Variants in TRPS1 observed in about 807,000 individuals in gnomAD.
TRPS1 encodes transcriptional repressor GATA binding 1.
In TRPS1, 6 loss-of-function variants were observed where a neutral mutation model predicts 101.2. That is an observed-to-expected ratio of 0.06 (90% CI 0.03 to 0.12). TRPS1 has a LOEUF of 0.12. Among genes scored for constraint, TRPS1 ranks in the 10% least tolerant of loss-of-function variants. The probability of loss-of-function intolerance (pLI) is 1.00; values close to 1 mark genes in which losing one functional copy is unlikely to be tolerated. For missense variants in TRPS1, 1,363 were observed against 1,567.0 expected, an observed-to-expected ratio of 0.87 and a Z score of 2.20; for synonymous variants, 578 against 589.8, an observed-to-expected ratio of 0.98 and a Z score of 0.29.
At chr8:115,447,892 T>G (rs1313212605) in intron 5 of TRPS1, among the ~76,000 whole-genome samples, 3 of 152,120 alleles carry the variant, frequency 2.0e-5, no homozygotes, top group Non-Finnish European at 4.4e-5. Context: ...ATTAAACCTT[T>G]GAAAATAGAA....
At chr8:115,468,802 G>A (rs1317008464) in intron 5 of TRPS1, among the ~76,000 whole-genome samples, 1 of 151,950 alleles carries the variant, frequency 6.6e-6, no homozygotes, top group African/African-American at 2.4e-5. Context: ...AATACATTTT[G>A]AAAAAGGGAT....
chr8:115,415,502 T>C (rs1454073719), intron 6 of TRPS1, among the ~76,000 whole-genome samples: 3 of 152,050 alleles, frequency 2.0e-5, no homozygotes, highest in Non-Finnish European at 4.4e-5. Flanking sequence ...TTGTTAACAG[T>C]GGAAAAATTA....
chr8:115,499,951 CTTTCTTTCTTTCTTTTCT>C (rs760080087), intron 5 of TRPS1, among the ~76,000 whole-genome samples: 1,566 of 57,580 alleles, frequency 0.027, 10 homozygotes, highest in East Asian at 0.12. Flanking sequence ...TTCTTTCTTT[CTTTCTTTCTTTCTTTTCT>C]TTTCTTTTCT....
chr8:115,535,275 GCATATATAGCATATATATAGCATATATAT>G (rs1816272150), intron 5 of TRPS1, among the ~76,000 whole-genome samples: 4 of 128,142 alleles, frequency 3.1e-5, no homozygotes, highest in South Asian at 2.4e-4. Flanking sequence ...CATATATATA[GCATATATAGCATATATATAGCATATATAT>G]AGCATATATA....
rs368980249 is a variant in TRPS1 at position 115,414,571 on chromosome 8, C to T, written c.3337G>A (p.Val1113Ile). ...YQYPLFGLPF[V>I]HNDFQSEADW... is the part of the protein sequence containing the mutation. ...GCTTCACTCTGGAAGTCATTATGTA[C>T]AAAGGGAAGTCCAAAAAGTGGGTAC... The change falls in exon 7 of 7, where the codon GTA (valine) becomes ATA (isoleucine). Residue 1113 changes from valine to isoleucine, a missense_variant. Around this residue, in one of 5 missense-constraint regions of TRPS1, gnomAD observed 307 missense variants for 392.4 expected, o/e 0.78. Coordinates refer to ENST00000395715, the MANE Select transcript of TRPS1 (RefSeq NM_014112.5). This position sits in a 1 kb window ranked among gnomAD's most constrained non-coding sequence, Gnocchi z 4.8. 6.2e-6 allele frequency: 10 copies of T among 1,613,796 alleles called. No homozygotes were observed. Among genetic ancestry groups the T allele is most frequent in the African/African-American group, 4.0e-5 (3 of 74,898 alleles).
intron 5 of TRPS1, among the ~76,000 whole-genome samples, chr8:115,578,718 C>T (rs541067795): frequency 3.9e-5 from 6 of 151,982 alleles, no homozygotes; most frequent in Admixed American, 3.9e-4. Context: ...CATTAGATGC[C>T]AAAATATGAA....
At chr8:115,436,103 C>T (rs1042568039) in intron 5 of TRPS1, among the ~76,000 whole-genome samples, 16 of 151,496 alleles carry the variant, frequency 1.1e-4, no homozygotes, top group Admixed American at 6.6e-5. Context: ...TTAATCATTA[C>T]TCATAACTCT....
intron 1 of TRPS1, among the ~76,000 whole-genome samples, chr8:115,660,587 G>A (rs896769697): frequency 1.3e-4 from 19 of 150,748 alleles, no homozygotes; most frequent in Non-Finnish European, 2.1e-4. Context: ...TATTATGAAC[G>A]CAAACAAGAG....
At chr8:115,485,539 A>G (rs936123615) in intron 5 of TRPS1, among the ~76,000 whole-genome samples, 1 of 152,198 alleles carries the variant, frequency 6.6e-6, no homozygotes, top group Non-Finnish European at 1.5e-5. Flanking sequence ...TTAGTTTTAC[A>G]GTGTACCCCA....
intron 5 of TRPS1, among the ~76,000 whole-genome samples, chr8:115,439,535 A>G (rs1279778014): frequency 1.3e-5 from 2 of 152,214 alleles, no homozygotes; most frequent in Non-Finnish European, 2.9e-5. Context: ...TAAAACTAAA[A>G]TTTATTTTAA....
intron 5 of TRPS1, among the ~76,000 whole-genome samples, chr8:115,568,378 T>C (rs1420123320): frequency 1.3e-5 from 2 of 152,148 alleles, no homozygotes; most frequent in Non-Finnish European, 2.9e-5. Context: ...AAATATGACA[T>C]AATTGTAAAT....
chr8:115,524,319 C>CTTTTTTTTTTTTTTTTTTTTTTTTTTTT (rs139406462), intron 5 of TRPS1, among the ~76,000 whole-genome samples: 1 of 70,724 alleles, frequency 1.4e-5, no homozygotes, highest in Non-Finnish European at 2.4e-5. Flanking sequence ...CTTCTTCTTC[C>CTTTTTTTTTTTTTTTTTTTTTTTTTTTT]TTTTTTTTTT....
chr8:115,663,932 C>T (rs1263798107), intron 1 of TRPS1, among the ~76,000 whole-genome samples: 1 of 151,762 alleles, frequency 6.6e-6, no homozygotes, highest in Non-Finnish European at 1.5e-5. Flanking sequence ...ATTATTGTGT[C>T]CATCAGAAAA....
intron 5 of TRPS1, among the ~76,000 whole-genome samples, chr8:115,484,158 T>C (rs1156377376): frequency 6.6e-6 from 1 of 152,054 alleles, no homozygotes. Context: ...AACATCAATG[T>C]ATCTCAAAAC....
At chr8:115,609,593 G>T (rs1435998384) in intron 3 of TRPS1, among the ~76,000 whole-genome samples, 1 of 152,120 alleles carries the variant, frequency 6.6e-6, no homozygotes, top group Non-Finnish European at 1.5e-5. Context: ...ACTTGACCTG[G>T]CATACATGGC....
chr8:115,651,783 A>C (rs769504004), intron 1 of TRPS1, among the ~76,000 whole-genome samples: 1 of 152,182 alleles, frequency 6.6e-6, no homozygotes, highest in Admixed American at 6.5e-5. Flanking sequence ...CGTAGAAGGC[A>C]TTTCATAAGG....
intron 3 of TRPS1, among the ~76,000 whole-genome samples, chr8:115,616,438 T>G (rs903491087): frequency 1.3e-5 from 2 of 152,126 alleles, no homozygotes; most frequent in Non-Finnish European, 2.9e-5. Context: ...TCAAGTCCAT[T>G]CAAATTATTT....
chr8:115,667,452 G>A (rs976668481), intron 1 of TRPS1, among the ~76,000 whole-genome samples: 2 of 152,194 alleles, frequency 1.3e-5, no homozygotes, highest in East Asian at 1.9e-4. Context: ...TCCCAAACAG[G>A]AACCAGACAG....
At chr8:115,451,669 T>G (rs1359505261) in intron 5 of TRPS1, among the ~76,000 whole-genome samples, 1 of 152,186 alleles carries the variant, frequency 6.6e-6, no homozygotes. Context: ...TGCTGGTGCT[T>G]CAATGACGTT....
Sources: gnomAD v4.1 joint callset for allele counts (sites outside exome capture counted in the v4.1 genomes callset) on GRCh38, gnomAD v4.1.1 for gene constraint, gnomAD v4.1.1 regional missense constraint, Gnocchi (gnomAD v3.1) non-coding constraint, MANE v1.5 for transcripts, NCBI Gene and HGNC (gene_info 2026-07-23, HGNC 2026-07-21) for gene names.